RAET1G: variants seen among roughly 807,000 people sequenced by gnomAD.
RAET1G encodes the protein UL-16 binding protein 5.
In RAET1G, 25 loss-of-function variants were observed where a neutral mutation model predicts 29.5. That is an observed-to-expected ratio of 0.85 (90% confidence interval 0.62 to 1.18). The LOEUF (loss-of-function observed/expected upper bound fraction) is 1.18, where lower values mean the gene tolerates loss of function less well. RAET1G is among the 50% of genes most tolerant of loss of function. The pLI is 0.00. For synonymous variants in RAET1G, 167 were observed against 159.5 expected (o/e 1.05, Z -0.36); for missense variants, 434 against 423.6 (o/e 1.02, Z -0.22).
rs560232245 is a variant in RAET1G at position 149,922,915 on chromosome 6, C to T, written c.85+11G>A. Reference sequence around the variant, plus strand: ...GCCTCCGCCCCGCTTAGGCTCCATCCCCGAACTCACCGGCCAGCCCGGTCC... The same window carrying T: ...GCCTCCGCCCCGCTTAGGCTCCATCTCCGAACTCACCGGCCAGCCCGGTCC... On this transcript the variant is annotated intron_variant, in intron 1 of 4. Transcript: ENST00000367360. 346 of 1,580,262 alleles carry T rather than the reference C, an allele frequency of 2.2e-4. 6 individuals are homozygous for T. In the South Asian group the frequency reaches 3.8e-3, roughly 17 times the overall value.
At chr6:149,920,553 G>T (rs752860971) in intron 1 of RAET1G, among the ~76,000 whole-genome samples, 2 of 152,112 alleles carry the variant, frequency 1.3e-5, no homozygotes, top group South Asian at 2.1e-4. Flanking sequence ...CCATGAGAAG[G>T]CACCAGAATG....
Position 149,922,776 on chromosome 6 carries a change from C to A in RAET1G, c.85+150G>T, listed in dbSNP as rs1778623550. On this transcript the variant is annotated intron_variant, in intron 1 of 4. Coordinates refer to ENST00000367360, the MANE Select transcript of RAET1G (RefSeq NM_001001788.4). ...AAGTAGCCTCTGGGAACGGACCCGGCGGGAAGGAGACGCGGAGGGAAACTG... is the reference window on the plus strand; with the variant it reads ...AAGTAGCCTCTGGGAACGGACCCGGAGGGAAGGAGACGCGGAGGGAAACTG... The A allele has an allele frequency of 1.9e-5, 11 of 576,286 alleles. No individual in the cohort carries two copies. The South Asian group carries it at 2.5e-4, about 13-fold the overall frequency. The allele number at this position is 576,286 out of a possible 1,614,324, so 35.7% of individuals were successfully genotyped here.
chr6:149,918,059 CATGTT>C (rs1778489500), intron 4 of RAET1G, 110 bp downstream of exon 4: 2 of 913,576 alleles, frequency 2.2e-6, no homozygotes, highest in Non-Finnish European at 3.4e-6. Flanking sequence ...TCACCTGTCT[CATGTT>C]AGGATGAGAA....
intron 3 of RAET1G, chr6:149,918,747 G>C (rs1374333922): frequency 1.7e-6 from 1 of 600,790 alleles, no homozygotes. Flanking sequence ...TCTCAAGAGG[G>C]AACACTAAGG....
intron 3 of RAET1G, 23 bp from the exon 4 acceptor site, chr6:149,918,407 A>G: frequency 6.2e-7 from 1 of 1,609,710 alleles, no homozygotes; most frequent in Non-Finnish European, 8.5e-7. Context: ...CACAAGAGTG[A>G]CAACCCTTGT....
chr6:149,920,631 G>C (rs1182508714), intron 1 of RAET1G, among the ~76,000 whole-genome samples: 1 of 152,150 alleles, frequency 6.6e-6, no homozygotes, highest in Non-Finnish European at 1.5e-5. Context: ...TTCCTGAAAT[G>C]GGCTCCCAGT....
chr6:149,917,481 C>T (rs1402290258), intron 4 of RAET1G, among the ~76,000 whole-genome samples: 1 of 152,238 alleles, frequency 6.6e-6, no homozygotes, highest in Non-Finnish European at 1.5e-5. Context: ...GGTCACTTCT[C>T]ACCGTGTCCC....
Position 149,923,033 on chromosome 6 carries a change from C to G in RAET1G, c.-23G>C, listed in dbSNP as rs1056428494. On this transcript the variant is annotated 5_prime_UTR_variant, in exon 1 of 5. Coordinates refer to ENST00000367360, the MANE Select transcript of RAET1G (RefSeq NM_001001788.4). ...CATTGGGGAGTTGGATCGCAGGGGA[C>G]AGCAGAAGCGAAGCCCAGCCCGTGG... The G allele has an allele frequency of 4.2e-5, 66 of 1,563,026 alleles. No individual in the cohort carries two copies. The highest frequency in any genetic ancestry group is 4.9e-5 in the Non-Finnish European group (56 of 1,151,452).
At chr6:149,922,774 G>A (rs1169438286) in intron 1 of RAET1G, 152 bp downstream of exon 1, 1 of 572,580 alleles carries the variant, frequency 1.7e-6, no homozygotes, top group South Asian at 2.3e-5. Flanking sequence ...GAACGGACCC[G>A]GCGGGAAGGA....
At position 149,923,034 on chromosome 6, in the gene RAET1G, A is replaced by T. The variant is rs1157339767; in HGVS notation, c.-24T>A. 2 of 1,558,956 alleles carry T rather than the reference A, an allele frequency of 1.3e-6. No homozygotes were observed. Among genetic ancestry groups the T allele is most frequent in the Non-Finnish European group, 8.7e-7 (1 of 1,148,532 alleles). ...ATTGGGGAGTTGGATCGCAGGGGACAGCAGAAGCGAAGCCCAGCCCGTGGA... is the reference window on the plus strand; with the variant it reads ...ATTGGGGAGTTGGATCGCAGGGGACTGCAGAAGCGAAGCCCAGCCCGTGGA... On this transcript the variant is annotated 5_prime_UTR_variant, in exon 1 of 5. Transcript: ENST00000367360.
chr6:149,920,154 G>A (rs1395452561), intron 1 of RAET1G, among the ~76,000 whole-genome samples: 1 of 152,206 alleles, frequency 6.6e-6, no homozygotes, highest in Non-Finnish European at 1.5e-5. Flanking sequence ...TTCAGCAGTA[G>A]CCCACGTGGA....
At chr6:149,918,993 T>A in intron 3 of RAET1G, 50 bp downstream of exon 3, 1 of 1,602,016 alleles carries the variant, frequency 6.2e-7, no homozygotes. Context: ...TTTCTTGAGA[T>A]CCCCATTTCT....
At chr6:149,918,676 G>A (rs1778513474) in intron 3 of RAET1G, 2 of 583,790 alleles carry the variant, frequency 3.4e-6, no homozygotes, top group Non-Finnish European at 3.0e-6. Flanking sequence ...CACGAGGCTG[G>A]CCTTGGAGGA....
chr6:149,920,388 T>A (rs901517509), intron 1 of RAET1G, among the ~76,000 whole-genome samples: 2 of 152,088 alleles, frequency 1.3e-5, no homozygotes, highest in Non-Finnish European at 2.9e-5. Context: ...TAGAAAAATC[T>A]GAAAATCTAA....
intron 1 of RAET1G, 121 bp downstream of exon 1, chr6:149,922,805 G>T (rs1207095038): frequency 6.2e-6 from 4 of 642,008 alleles, no homozygotes; most frequent in South Asian, 4.2e-5. Context: ...GAAACTGAGC[G>T]GGGGCGCAGT....
chr6:149,921,783 T>G (rs1324929113), intron 1 of RAET1G, among the ~76,000 whole-genome samples: 1 of 151,904 alleles, frequency 6.6e-6, no homozygotes, highest in Non-Finnish European at 1.5e-5. Context: ...AGGACCACCT[T>G]CTACTCTCCA....
chr6:149,917,757 T>C (rs1778481294), intron 4 of RAET1G, among the ~76,000 whole-genome samples: 1 of 152,192 alleles, frequency 6.6e-6, no homozygotes, highest in Non-Finnish European at 1.5e-5. Flanking sequence ...GCCTCAGAGA[T>C]GGAATCCCCC....
At chr6:149,918,823 C>G (rs975368032) in intron 3 of RAET1G, 35 of 701,916 alleles carry the variant, frequency 5.0e-5, no homozygotes, top group African/African-American at 4.5e-4. Flanking sequence ...GTGTGGGGAA[C>G]AGAAGCAAGT....
At position 149,919,747 on chromosome 6, in the gene RAET1G, A is replaced by G. The variant is rs577757824; in HGVS notation, c.155T>C (p.Val52Ala). 1.2e-6 allele frequency: 2 copies of G among 1,612,772 alleles called. No homozygotes were observed. The highest frequency in any genetic ancestry group is 1.1e-5 in the South Asian group (1 of 91,008). ...AGTCTTTTCATCCACCTGGCCTTGA[A>G]CCGCACACCACCGTGGTCCAGGTCT... ...KFRPGPRWCA[V>A]QGQVDEKTFL... is the part of the protein sequence containing the mutation. The change falls in exon 2 of 5, where the codon GTT becomes GCT. Residue 52 changes from valine (V) to alanine (A), a missense_variant. By Grantham distance (64) the Val-to-Ala change is moderately conservative. Coordinates refer to ENST00000367360, the MANE Select transcript of RAET1G (RefSeq NM_001001788.4).
Sources: gnomAD v4.1 joint callset for allele counts (sites outside exome capture counted in the v4.1 genomes callset) on GRCh38, gnomAD v4.1.1 for gene constraint, MANE v1.5 for transcripts, NCBI Gene and HGNC (gene_info 2026-07-23, HGNC 2026-07-21) for gene names.